The following SOS1 variants were observed in gnomAD, a reference collection of about 807,000 sequenced individuals.
SOS1 encodes the protein son of sevenless homolog 1.
A neutral mutation model predicts 157.6 loss-of-function variants in SOS1; 25 were observed. The observed-to-expected ratio is 0.16, with a 90% CI of 0.12 to 0.22. The LOEUF (loss-of-function observed/expected upper bound fraction) is 0.22. Ranked by LOEUF, SOS1 falls within the 10% of genes least tolerant of loss-of-function variation. The pLI, the probability that SOS1 is intolerant of heterozygous loss-of-function variation, is 1.00. For missense variants in SOS1, 1,237 were observed against 1,599.1 expected, an observed-to-expected ratio of 0.77 and a Z score of 3.86; for synonymous variants, 528 against 534.0, an observed-to-expected ratio of 0.99 and a Z score of 0.16.
Position 39,022,907 on chromosome 2 carries a change from G to C in SOS1, c.1521C>G (p.Thr507=). Residue 507 remains threonine (T), a synonymous_variant, in exon 10 of 23, where the codon ACC becomes ACG. Coordinates refer to ENST00000402219, the MANE Select transcript of SOS1 (RefSeq NM_005633.4). ...TTTCAAAAGCATGCTTGTATTCATT[G>C]GTGTCATCTTTATCATTAATTTGTA... ...RKVQINDKDD[T]NEYKHAFEII... 6.2e-7 allele frequency: 1 copy of C among 1,610,524 alleles called. No homozygotes were observed. Among genetic ancestry groups the C allele is most frequent in the Non-Finnish European group, 8.5e-7 (1 of 1,177,120 alleles).
chr2:39,092,544 T>C (rs928271562), intron 1 of SOS1, among the ~76,000 whole-genome samples: 9 of 152,248 alleles, frequency 5.9e-5, no homozygotes, highest in Non-Finnish European at 7.3e-5. Flanking sequence ...TACTGTTATC[T>C]AAAACTACAG....
At chr2:39,096,600 G>A (rs932915176) in intron 1 of SOS1, among the ~76,000 whole-genome samples, 3 of 151,960 alleles carry the variant, frequency 2.0e-5, no homozygotes, top group Non-Finnish European at 4.4e-5. Context: ...AAAATATCTT[G>A]GCTGGCCGGG....
intron 1 of SOS1, among the ~76,000 whole-genome samples, chr2:39,088,850 T>C (rs909819554): frequency 2.6e-5 from 4 of 152,194 alleles, no homozygotes; most frequent in Non-Finnish European, 4.4e-5. Context: ...CTAGATCATA[T>C]AGTAATTCTA....
chr2:39,100,921 A>G (rs1025311982), intron 1 of SOS1, among the ~76,000 whole-genome samples: 1 of 152,232 alleles, frequency 6.6e-6, no homozygotes. Context: ...CTTGTCTCAA[A>G]AAAATAATAA....
intron 14 of SOS1, among the ~76,000 whole-genome samples, 197 bp downstream of exon 14, chr2:39,011,929 A>G (rs1669486634): frequency 6.6e-6 from 1 of 152,198 alleles, no homozygotes; most frequent in African/African-American, 2.4e-5. Flanking sequence ...GAACACAGAA[A>G]GACAGAAGGT....
Position 39,051,174 on chromosome 2 carries a change from T to C in SOS1, c.834A>G (p.Leu278=), listed in dbSNP as rs1301517846. Residue 278 remains leucine, a synonymous_variant, in exon 6 of 23, where the codon CTA becomes CTG. Coordinates refer to ENST00000402219, the MANE Select transcript of SOS1 (RefSeq NM_005633.4). ...CTAAGTCTTCAAAGCAGCTTCCTAC[T>C]AGTGGATGGGGACTGCCTTCATCTG... ...EMTDEGSPHP[L]VGSCFEDLAE... 6.8e-6 allele frequency: 11 copies of C among 1,613,678 alleles called. No homozygotes were observed. The highest frequency in any genetic ancestry group is 7.6e-6 in the Non-Finnish European group (9 of 1,179,766).
chr2:39,036,128 T>C (rs1027656509), intron 6 of SOS1, among the ~76,000 whole-genome samples: 5 of 152,178 alleles, frequency 3.3e-5, no homozygotes, highest in African/African-American at 1.2e-4. Flanking sequence ...AGAGTAGGTA[T>C]CTTGATTTTA....
chr2:39,113,266 C>A (rs1673508740), intron 1 of SOS1, among the ~76,000 whole-genome samples: 1 of 152,100 alleles, frequency 6.6e-6, no homozygotes, highest in African/African-American at 2.4e-5. Flanking sequence ...TCATAGCTCA[C>A]TGCAGCCTCA....
intron 1 of SOS1, among the ~76,000 whole-genome samples, chr2:39,118,177 T>C (rs552626589): frequency 6.6e-6 from 1 of 152,122 alleles, no homozygotes; most frequent in African/African-American, 2.4e-5. Flanking sequence ...ACAGTTCAGG[T>C]TGAGTGAGTC....
At chr2:39,092,592 C>G (rs1672633565) in intron 1 of SOS1, among the ~76,000 whole-genome samples, 2 of 152,108 alleles carry the variant, frequency 1.3e-5, no homozygotes, top group Admixed American at 6.6e-5. Flanking sequence ...TTTCTCCTAC[C>G]AGAATGTAAG....
rs1471357863 is a variant in SOS1, at chr2:39,018,118, A to T, written c.1859-3272T>A. On this transcript the variant is annotated intron_variant, in intron 10 of 22. Transcript: ENST00000402219. Reference sequence around the variant, plus strand: ...GAGAGATGAAAGGTAAACACATAAAAATACAAAAGCCAGTCTGGGTTTGGC... The same window carrying T: ...GAGAGATGAAAGGTAAACACATAAATATACAAAAGCCAGTCTGGGTTTGGC... Among the ~76,000 whole-genome samples, 5 of 151,956 alleles carry T rather than the reference A, an allele frequency of 3.3e-5. 1 individual carries two copies. The East Asian group carries it at 9.6e-4, about 29-fold the overall frequency.
At chr2:39,085,258 G>A (rs537613188) in intron 1 of SOS1, among the ~76,000 whole-genome samples, 2 of 152,266 alleles carry the variant, frequency 1.3e-5, no homozygotes, top group East Asian at 3.9e-4. Flanking sequence ...ATGTTGCTGA[G>A]GATGGTCTCA....
chr2:39,025,252 T>C (rs1669918008), intron 8 of SOS1, among the ~76,000 whole-genome samples: 2 of 152,124 alleles, frequency 1.3e-5, no homozygotes, highest in Admixed American at 6.5e-5. Flanking sequence ...TCAATAGAGT[T>C]TTCATCCAAC....
At chr2:39,047,997 T>C (rs1159577165) in intron 6 of SOS1, among the ~76,000 whole-genome samples, 1 of 152,104 alleles carries the variant, frequency 6.6e-6, no homozygotes, top group Non-Finnish European at 1.5e-5. Context: ...CAGATATGAG[T>C]CTTTCATTGG....
rs186336927 is a variant in SOS1, at chr2:39,085,543, G to A, written c.88-17790C>T. Among the ~76,000 whole-genome samples, 28 of 152,292 alleles carry A rather than the reference G, an allele frequency of 1.8e-4. No individual in the cohort carries two copies. The East Asian group carries it at 5.0e-3, about 27-fold the overall frequency. ...ATTTGCCCATAACCTCTAAGCAGGA[G>A]ATTCTAGTTTTTAGTAAACCAAAGC... On this transcript the variant is annotated intron_variant, in intron 1 of 22. Coordinates refer to ENST00000402219, the MANE Select transcript of SOS1 (RefSeq NM_005633.4).
Position 38,987,565 on chromosome 2 carries a change from A to T in SOS1, c.3418T>A (p.Leu1140Ile), listed in dbSNP as rs375550588. 1.6e-4 allele frequency: 255 copies of T among 1,589,486 alleles called. No individual in the cohort carries two copies. Among genetic ancestry groups the T allele is most frequent in the Non-Finnish European group, 2.1e-4 (249 of 1,159,614 alleles). Reference sequence around the variant, plus strand: ...GGCACTTCATCAGTGCCTTTGGTTAAACTTATAGATGATACAGAAGCAGAT... The same window carrying T: ...GGCACTTCATCAGTGCCTTTGGTTATACTTATAGATGATACAGAAGCAGAT... ...PRSASVSSIS[L>I]TKGTDEVPVP... The change falls in exon 22 of 23, where the codon TTA (leucine) becomes ATA (isoleucine). Residue 1140 changes from leucine to isoleucine, a missense_variant. Leu to Ile is a conservative substitution (Grantham distance 5, BLOSUM62 2). Around this residue, in one of 15 missense-constraint regions of SOS1, gnomAD observed 306 missense variants for 322.6 expected, o/e 0.95. Transcript: ENST00000402219.
chr2:39,070,554 T>C lies in SOS1; in HGVS notation c.88-2801A>G, dbSNP rs921499658. ...TCACCTGCATGGATAACCCCAAATC[T>C]ATCCCTAGTCCTGATTTCTCTCCTC... On this transcript the variant is annotated intron_variant, in intron 1 of 22. Transcript: ENST00000402219. Among the ~76,000 whole-genome samples the C allele has an allele frequency of 2.6e-5, 4 of 152,152 alleles. No individual in the cohort carries two copies. The South Asian group carries it at 8.3e-4, about 32-fold the overall frequency.
At chr2:39,067,324 A>C (rs1671622568) in intron 2 of SOS1, among the ~76,000 whole-genome samples, 1 of 152,054 alleles carries the variant, frequency 6.6e-6, no homozygotes, top group Non-Finnish European at 1.5e-5. Flanking sequence ...AAAATCCAAA[A>C]CTTCTAGATG....
intron 6 of SOS1, among the ~76,000 whole-genome samples, chr2:39,048,937 T>G (rs1290798588): frequency 6.6e-6 from 1 of 152,132 alleles, no homozygotes; most frequent in Non-Finnish European, 1.5e-5. Context: ...TTATTACTCT[T>G]TTTTGAGATG....
Sources: gnomAD v4.1 joint callset for allele counts (sites outside exome capture counted in the v4.1 genomes callset) on GRCh38, gnomAD v4.1.1 for gene constraint, gnomAD v4.1.1 regional missense constraint, MANE v1.5 for transcripts, NCBI Gene and HGNC (gene_info 2026-07-23, HGNC 2026-07-21) for gene names.